The following ZNF385B variants were observed in gnomAD, a reference collection of about 807,000 sequenced individuals.
ZNF385B encodes the protein zinc finger protein 533.
A neutral mutation model predicts 39.2 loss-of-function variants in ZNF385B; 23 were observed. That is an observed-to-expected ratio of 0.59 (90% CI 0.42 to 0.83). The LOEUF (loss-of-function observed/expected upper bound fraction) is 0.83, where lower values mean the gene tolerates loss of function less well. ZNF385B is among the 40% of genes least tolerant of loss of function. The pLI, the probability that ZNF385B is intolerant of heterozygous loss-of-function variation, is 0.00. For synonymous variants in ZNF385B, 205 were observed against 222.6 expected, an observed-to-expected ratio of 0.92 and a Z score of 0.70; for missense variants, 552 against 598.9, an observed-to-expected ratio of 0.92 and a Z score of 0.82.
rs978734648 is a variant in ZNF385B, at chr2:179,555,158, AC to A, written c.299-10190del. ...CATGCAATGACATACAGCAATGAGA[AC>A]AAATGGCACATTCTTACATGCAACA... On this transcript the variant is annotated intron_variant, in intron 3 of 9. Transcript: ENST00000410066. Among the ~76,000 whole-genome samples, 4 of 149,934 alleles carry A rather than the reference AC, an allele frequency of 2.7e-5. 1 individual carries two copies. The highest frequency in any genetic ancestry group is 1.0e-4 in the African/African-American group (4 of 39,984).
intron 3 of ZNF385B, among the ~76,000 whole-genome samples, chr2:179,580,065 C>T (rs1004820070): frequency 6.6e-6 from 1 of 152,050 alleles, no homozygotes; most frequent in Non-Finnish European, 1.5e-5. Flanking sequence ...AGTCCTAAGA[C>T]CTTAGAGAAA....
chr2:179,584,072 G>A, intron 3 of ZNF385B: 1 of 581,804 alleles, frequency 1.7e-6, no homozygotes, highest in Non-Finnish European at 3.0e-6. Flanking sequence ...AGTCTACTGG[G>A]AGAAACAGAA....
At chr2:179,561,889 T>C (rs1420128088) in intron 3 of ZNF385B, among the ~76,000 whole-genome samples, 1 of 152,108 alleles carries the variant, frequency 6.6e-6, no homozygotes, top group South Asian at 2.1e-4. Flanking sequence ...ATGGTGCCTA[T>C]CATAAAAATC....
chr2:179,537,332 TAAA>T (rs1428891859), intron 4 of ZNF385B, among the ~76,000 whole-genome samples: 4 of 137,100 alleles, frequency 2.9e-5, no homozygotes, highest in African/African-American at 1.1e-4. Context: ...AAAAAAAAAA[TAAA>T]AAAGAAAAGA....
Position 179,551,823 on chromosome 2 carries a change from C to T in ZNF385B, c.299-6854G>A, listed in dbSNP as rs372229024. 8.5e-5 allele frequency among the ~76,000 whole-genome samples: 13 copies of T among 152,154 alleles called. No homozygotes were observed. In the East Asian group the frequency reaches 1.9e-3, roughly 23 times the overall value. ...CTTGAATTCCTTCTCACAACAGCAT[C>T]GAGAGTCTGGACACCAGACAGAGTC... On this transcript the variant is annotated intron_variant, in intron 3 of 9. Transcript: ENST00000410066.
At position 179,677,319 on chromosome 2, in the gene ZNF385B, C is replaced by G. The variant is rs149228811; in HGVS notation, c.298+92184G>C. On this transcript the variant is annotated intron_variant, in intron 3 of 9. Transcript: ENST00000410066. ...GTCTATACCGTTAATAGCTACTTGC[C>G]AAGATCTCTGTTGCCCGTGTGATTA... Among the ~76,000 whole-genome samples the G allele has an allele frequency of 4.2e-3, 637 of 152,288 alleles. 2 individuals carry two copies. Among genetic ancestry groups the G allele is most frequent in the Non-Finnish European group, 7.2e-3 (493 of 68,020 alleles).
intron 3 of ZNF385B, among the ~76,000 whole-genome samples, chr2:179,694,981 GAGGAGGAGA>G (rs937962462): frequency 7.3e-5 from 11 of 151,484 alleles, no homozygotes; most frequent in African/African-American, 1.9e-4. Flanking sequence ...GGAGGAGGAG[GAGGAGGAGA>G]AGAAAAAGAA....
intron 1 of ZNF385B, among the ~76,000 whole-genome samples, chr2:179,829,017 G>A (rs1165742611): frequency 6.6e-6 from 1 of 150,914 alleles, no homozygotes; most frequent in Non-Finnish European, 1.5e-5. Context: ...CTCAAAGGAT[G>A]GGATGGATTA....
intron 3 of ZNF385B, among the ~76,000 whole-genome samples, chr2:179,616,386 T>C (rs1040040941): frequency 1.3e-5 from 2 of 152,146 alleles, no homozygotes; most frequent in South Asian, 2.1e-4. Context: ...CAGGCTGGAG[T>C]GCAGTGGCAC....
intron 6 of ZNF385B, among the ~76,000 whole-genome samples, chr2:179,461,598 G>T (rs981025681): frequency 1.3e-5 from 2 of 152,126 alleles, no homozygotes; most frequent in Non-Finnish European, 2.9e-5. Context: ...TGGCCTTTTA[G>T]CCAGAAAAAC....
intron 5 of ZNF385B, among the ~76,000 whole-genome samples, chr2:179,506,850 G>A (rs754842491): frequency 5.3e-5 from 8 of 152,040 alleles, no homozygotes; most frequent in Non-Finnish European, 1.0e-4. Context: ...GATATGTTAG[G>A]TATACCACTG....
chr2:179,658,388 C>T (rs990477878), intron 3 of ZNF385B, among the ~76,000 whole-genome samples: 1 of 152,172 alleles, frequency 6.6e-6, no homozygotes, highest in Non-Finnish European at 1.5e-5. Flanking sequence ...CACAGGTATA[C>T]AGTGTTGCCA....
At chr2:179,592,583 A>T (rs1022683244) in intron 3 of ZNF385B, among the ~76,000 whole-genome samples, 3 of 152,210 alleles carry the variant, frequency 2.0e-5, no homozygotes, top group Non-Finnish European at 2.9e-5. Flanking sequence ...TGGGAAGAAC[A>T]CTGAAGAAAA....
intron 3 of ZNF385B, among the ~76,000 whole-genome samples, chr2:179,709,556 C>T (rs138447222): frequency 2.4e-4 from 36 of 152,296 alleles, no homozygotes; most frequent in African/African-American, 8.4e-4. Context: ...GATGAGCTAG[C>T]CTGCATATGT....
chr2:179,647,697 A>G (rs928650088), intron 3 of ZNF385B, among the ~76,000 whole-genome samples: 1 of 152,204 alleles, frequency 6.6e-6, no homozygotes, highest in African/African-American at 2.4e-5. Context: ...AGGACTACCT[A>G]CATTAAAAAG....
intron 5 of ZNF385B, among the ~76,000 whole-genome samples, chr2:179,511,326 T>C (rs2057666787): frequency 6.6e-6 from 1 of 152,132 alleles, no homozygotes; most frequent in Admixed American, 6.5e-5. Context: ...GCCTTCTAAA[T>C]GGCAGATGGT....
intron 3 of ZNF385B, among the ~76,000 whole-genome samples, chr2:179,561,652 TAAATAAAAGGTGGGGGA>T (rs1240988595): frequency 1.4e-5 from 2 of 145,158 alleles, no homozygotes; most frequent in Non-Finnish European, 3.0e-5. Flanking sequence ...TAAGGTGGGG[TAAATAAAAGGTGGGGGA>T]AAATAAAGTG....
chr2:179,643,684 A>G (rs1002439441), intron 3 of ZNF385B, among the ~76,000 whole-genome samples: 1 of 152,162 alleles, frequency 6.6e-6, no homozygotes, highest in Non-Finnish European at 1.5e-5. Flanking sequence ...GGTGGAGAAG[A>G]GCATAGTTGT....
At chr2:179,755,216 T>C (rs985659496) in intron 3 of ZNF385B, among the ~76,000 whole-genome samples, 5 of 152,240 alleles carry the variant, frequency 3.3e-5, no homozygotes, top group Non-Finnish European at 5.9e-5. Context: ...GAGCAGGTTG[T>C]TCAGTTTCCA....
Sources: gnomAD v4.1 joint callset for allele counts (sites outside exome capture counted in the v4.1 genomes callset) on GRCh38, gnomAD v4.1.1 for gene constraint, MANE v1.5 for transcripts, NCBI Gene and HGNC (gene_info 2026-07-23, HGNC 2026-07-21) for gene names.